Variants in DACH2 observed in about 807,000 individuals in gnomAD.
DACH2 encodes the protein dachshund family transcription factor 2.
In DACH2, 17 loss-of-function variants were observed where a neutral mutation model predicts 35.8. The observed-to-expected ratio is 0.48, with a 90% CI of 0.33 to 0.71. The LOEUF is 0.71. Among genes scored for constraint, DACH2 ranks in the 30% least tolerant of loss-of-function variants. The pLI, the probability that DACH2 is intolerant of heterozygous loss-of-function variation, is 0.02. For synonymous variants in DACH2, 195 were observed against 177.3 expected, an observed-to-expected ratio of 1.10 and a Z score of -0.79; for missense variants, 469 against 472.7, an observed-to-expected ratio of 0.99 and a Z score of 0.07.
Position 86,260,803 on chromosome X carries a change from G to A in DACH2, c.488+111695G>A, listed in dbSNP as rs767563499. ...TCTGGAGACAATTTTGTAAGGATTGGAACTCAGATGGGTCTGGCTCCAAGG... is the reference window on the plus strand; with the variant it reads ...TCTGGAGACAATTTTGTAAGGATTGAAACTCAGATGGGTCTGGCTCCAAGG... On this transcript the variant is annotated intron_variant, in intron 1 of 11. Coordinates refer to ENST00000373125, the MANE Select transcript of DACH2 (RefSeq NM_053281.3). 1.1e-4 allele frequency among the ~76,000 whole-genome samples: 9 copies of A among 82,451 alleles called. No homozygotes were observed. The East Asian group carries it at 3.0e-3, about 28-fold the overall frequency. The allele number at this position is 82,451 out of a possible 115,157, so 71.6% of individuals were successfully genotyped here. A position where few individuals can be genotyped will look rare whatever the true frequency, so the allele number is the denominator to read the frequency against.
chrX:86,437,959 G>A (rs1221407574), intron 2 of DACH2, among the ~76,000 whole-genome samples: 1 of 109,478 alleles, frequency 9.1e-6, no homozygotes. Context: ...GGGGTTTGTT[G>A]TACGGATTAT....
At chrX:86,679,616 CTG>C (rs67988965) in intron 4 of DACH2, among the ~76,000 whole-genome samples, 7,236 of 95,847 alleles carry the variant, frequency 0.075, 421 homozygotes, top group Admixed American at 0.25. Context: ...CTCTCTGTCT[CTG>C]TGTGTGTGTG....
At chrX:86,188,584 T>C (rs764269342) in intron 1 of DACH2, among the ~76,000 whole-genome samples, 83 of 111,875 alleles carry the variant, frequency 7.4e-4, no homozygotes, top group African/African-American at 2.6e-3. Flanking sequence ...ATATGAAAGA[T>C]TATCTCAGAT....
chrX:86,605,516 A>G (rs1480962824), intron 3 of DACH2, among the ~76,000 whole-genome samples: 2 of 110,568 alleles, frequency 1.8e-5, no homozygotes, highest in Non-Finnish European at 3.8e-5. Context: ...TTGTTCTTTT[A>G]TACGTAATAT....
At chrX:86,200,828 T>C (rs2032135240) in intron 1 of DACH2, among the ~76,000 whole-genome samples, 1 of 110,892 alleles carries the variant, frequency 9.0e-6, no homozygotes, top group Non-Finnish European at 1.9e-5. Flanking sequence ...TGGTTATACA[T>C]TGTTTGTGGG....
At chrX:86,417,996 T>C (rs903700282) in intron 2 of DACH2, among the ~76,000 whole-genome samples, 2 of 111,576 alleles carry the variant, frequency 1.8e-5, no homozygotes, top group Non-Finnish European at 3.8e-5. Context: ...AAAGGGACTC[T>C]AGGCTCCATG....
At chrX:86,608,696 A>T (rs759819117) in intron 3 of DACH2, among the ~76,000 whole-genome samples, 2 of 111,753 alleles carry the variant, frequency 1.8e-5, no homozygotes, top group South Asian at 7.5e-4. Context: ...TCATGTTTAA[A>T]GAATATTTTC....
chrX:86,394,066 T>C (rs1262004498), intron 2 of DACH2, among the ~76,000 whole-genome samples: 1 of 109,261 alleles, frequency 9.2e-6, no homozygotes, highest in Non-Finnish European at 1.9e-5. Flanking sequence ...TTTTATGATG[T>C]TTCAGGGTAT....
At chrX:86,667,231 G>A (rs778555805) in intron 4 of DACH2, among the ~76,000 whole-genome samples, 1 of 95,254 alleles carries the variant, frequency 1.0e-5, no homozygotes, top group African/African-American at 3.9e-5. Context: ...CTGGATGACA[G>A]AGCAAGACTC....
At chrX:86,643,332 A>T (rs941482950) in intron 3 of DACH2, among the ~76,000 whole-genome samples, 1 of 110,902 alleles carries the variant, frequency 9.0e-6, no homozygotes, top group Non-Finnish European at 1.9e-5. Context: ...GCTACTACAA[A>T]CATTTCTACA....
chrX:86,788,867 C>T (rs1348376258), intron 7 of DACH2, among the ~76,000 whole-genome samples: 1 of 111,392 alleles, frequency 9.0e-6, no homozygotes, highest in African/African-American at 3.3e-5. Flanking sequence ...TTGAATGGGG[C>T]TCTAAGAATA....
chrX:86,381,712 A>G (rs1352883853), intron 2 of DACH2, among the ~76,000 whole-genome samples: 1 of 110,940 alleles, frequency 9.0e-6, no homozygotes, highest in Non-Finnish European at 1.9e-5. Flanking sequence ...TGTGCATAAA[A>G]CATAAGGAGA....
intron 3 of DACH2, among the ~76,000 whole-genome samples, chrX:86,572,764 C>A (rs1457299243): frequency 1.8e-5 from 2 of 111,385 alleles, no homozygotes; most frequent in East Asian, 5.7e-4. Flanking sequence ...AACCTCATTT[C>A]TCCGTTTGAT....
intron 2 of DACH2, among the ~76,000 whole-genome samples, chrX:86,479,860 A>G (rs1377649619): frequency 8.9e-6 from 1 of 112,350 alleles, no homozygotes; most frequent in Non-Finnish European, 1.9e-5. Flanking sequence ...TATCTGATAA[A>G]ATTGTGAATT....
intron 7 of DACH2, among the ~76,000 whole-genome samples, chrX:86,777,503 C>T (rs1006594758): frequency 9.0e-6 from 1 of 111,582 alleles, no homozygotes; most frequent in African/African-American, 3.3e-5. Flanking sequence ...TATTAAGTGA[C>T]TCTCTATTTT....
chrX:86,667,861 C>T (rs914960720), intron 4 of DACH2, among the ~76,000 whole-genome samples: 4 of 111,849 alleles, frequency 3.6e-5, no homozygotes, highest in African/African-American at 1.3e-4. Flanking sequence ...TCTGTTTGGA[C>T]TACTTGAAAC....
intron 2 of DACH2, among the ~76,000 whole-genome samples, chrX:86,412,488 C>T (rs1340358181): frequency 1.8e-5 from 2 of 111,719 alleles, no homozygotes; most frequent in African/African-American, 3.3e-5. Flanking sequence ...GGTCATTCCG[C>T]CATTCTATCA....
chrX:86,240,690 C>G (rs1602314813), intron 1 of DACH2, among the ~76,000 whole-genome samples: 2 of 109,398 alleles, frequency 1.8e-5, no homozygotes, highest in East Asian at 5.8e-4. Context: ...CTCTGTGTCC[C>G]CATCCAAATC....
chrX:86,546,357 C>CTCTTCT (rs1195943792), intron 3 of DACH2, among the ~76,000 whole-genome samples: 1,579 of 50,043 alleles, frequency 0.032, 46 homozygotes, highest in Middle Eastern at 0.044. Flanking sequence ...CTTCTTCTTC[C>CTCTTCT]TCTTCTTCTT....
Sources: gnomAD v4.1 joint callset for allele counts (sites outside exome capture counted in the v4.1 genomes callset) on GRCh38, gnomAD v4.1.1 for gene constraint, MANE v1.5 for transcripts, NCBI Gene and HGNC (gene_info 2026-07-23, HGNC 2026-07-21) for gene names.